The following SEMA4D variants were observed in gnomAD, a reference collection of about 807,000 sequenced individuals.
SEMA4D encodes the protein semaphorin-4D.
In SEMA4D, 22 loss-of-function variants were observed where a neutral mutation model predicts 74.8. The observed-to-expected ratio is 0.29, with a 90% CI of 0.21 to 0.42. SEMA4D has a LOEUF of 0.42. SEMA4D is among the 10% of genes least tolerant of loss of function. The pLI is 1.00. For missense variants in SEMA4D, 937 were observed against 1,118.4 expected (o/e 0.84, Z 2.31); for synonymous variants, 445 against 463.7 (o/e 0.96, Z 0.52).
At chr9:89,450,935 T>C (rs1213728973) in intron 2 of SEMA4D, among the ~76,000 whole-genome samples, 3 of 152,128 alleles carry the variant, frequency 2.0e-5, no homozygotes, top group East Asian at 3.9e-4. Flanking sequence ...CTGACTCTGG[T>C]CTTGGGAGGC....
chr9:89,393,692 G>A, intron 6 of SEMA4D, 37 bp from the exon 7 acceptor site: 1 of 1,475,604 alleles, frequency 6.8e-7, no homozygotes, highest in South Asian at 1.1e-5. Flanking sequence ...TCATCAGATG[G>A]CTGAATTTCT....
chr9:89,441,505 G>T lies in SEMA4D; in HGVS notation c.-244+14383C>A, dbSNP rs968342155. The stretch of plus-strand genomic sequence containing the variant: ...GCTCTGGCTGGAGATGTCGGTACCG[G>T]CCAGGCCCCCATTCCCACATCATGG... On this transcript the variant is annotated intron_variant, in intron 2 of 15. Coordinates refer to ENST00000422704, the MANE Select transcript of SEMA4D (RefSeq NM_001371194.2). Among the ~76,000 whole-genome samples, 28 of 152,246 alleles carry T rather than the reference G, an allele frequency of 1.8e-4. 1 individual carries two copies. Among genetic ancestry groups the T allele is most frequent in the Non-Finnish European group, 2.9e-5 (2 of 68,042 alleles).
At chr9:89,383,368 G>A (rs74487105) in intron 13 of SEMA4D, among the ~76,000 whole-genome samples, 5,091 of 152,270 alleles carry the variant, frequency 0.033, 135 homozygotes, top group South Asian at 0.097. Flanking sequence ...ACGCTGGTGC[G>A]AGTCATACAG....
chr9:89,474,444 C>T (rs1391111237), intron 1 of SEMA4D, among the ~76,000 whole-genome samples: 1 of 152,170 alleles, frequency 6.6e-6, no homozygotes, highest in African/African-American at 2.4e-5. Flanking sequence ...AGCTATGTTC[C>T]TTTGTATACA....
At chr9:89,380,460 T>C (rs1836778815) in intron 15 of SEMA4D, among the ~76,000 whole-genome samples, 1 of 152,190 alleles carries the variant, frequency 6.6e-6, no homozygotes, top group African/African-American at 2.4e-5. Context: ...GCCTCCCTAG[T>C]AGCTGGGACT....
intron 11 of SEMA4D, among the ~76,000 whole-genome samples, chr9:89,388,270 C>G (rs191183961): frequency 3.9e-5 from 6 of 152,320 alleles, no homozygotes; most frequent in Admixed American, 6.5e-5. Flanking sequence ...ACATAAAGTT[C>G]ACTATATTTA....
At chr9:89,444,149 A>AC (rs200168115) in intron 2 of SEMA4D, among the ~76,000 whole-genome samples, 2,913 of 152,164 alleles carry the variant, frequency 0.019, 36 homozygotes, top group Non-Finnish European at 0.03. Flanking sequence ...AATTATACCT[A>AC]CCTACCATAG....
intron 1 of SEMA4D, among the ~76,000 whole-genome samples, chr9:89,488,040 C>A (rs1825327016): frequency 6.6e-6 from 1 of 152,164 alleles, no homozygotes; most frequent in Non-Finnish European, 1.5e-5. Context: ...ACCGACACTA[C>A]AATTTTGAAA....
At chr9:89,464,184 T>C (rs192851794) in intron 1 of SEMA4D, among the ~76,000 whole-genome samples, 41 of 152,302 alleles carry the variant, frequency 2.7e-4, no homozygotes, top group Admixed American at 2.6e-3. Context: ...TTCTCTCAGA[T>C]GCACTACGCT....
intron 2 of SEMA4D, among the ~76,000 whole-genome samples, chr9:89,412,657 T>G (rs1481036872): frequency 6.6e-6 from 1 of 151,974 alleles, no homozygotes; most frequent in Non-Finnish European, 1.5e-5. Context: ...AGTGTATTGA[T>G]CTCATCAGCA....
In SEMA4D at chr9:89,381,035, G is replaced by A. The variant is rs373437067; in HGVS notation, c.1663+20C>T. 1.4e-5 allele frequency: 23 copies of A among 1,613,852 alleles called. No individual in the cohort carries two copies. The African/African-American group carries it at 2.0e-4, about 14-fold the overall frequency. On this transcript the variant is annotated intron_variant, in intron 15 of 15. Coordinates refer to ENST00000422704, the MANE Select transcript of SEMA4D (RefSeq NM_001371194.2). This position sits in a 1 kb window ranked among gnomAD's most constrained non-coding sequence, Gnocchi z 4.6. ...ACCTCGCCACTCCCAAAGGAAATGGGACGTCGAGGAGTCACTCACCCGGGC... is the reference window on the plus strand; with the variant it reads ...ACCTCGCCACTCCCAAAGGAAATGGAACGTCGAGGAGTCACTCACCCGGGC...
intron 2 of SEMA4D, among the ~76,000 whole-genome samples, chr9:89,427,414 G>A (rs1368928576): frequency 6.6e-6 from 1 of 152,110 alleles, no homozygotes; most frequent in Non-Finnish European, 1.5e-5. Context: ...CACAGCCCCT[G>A]CCTCCCTGAG....
chr9:89,409,927 G>A (rs1844149315), intron 2 of SEMA4D, among the ~76,000 whole-genome samples: 1 of 152,154 alleles, frequency 6.6e-6, no homozygotes, highest in Admixed American at 6.5e-5. Flanking sequence ...AACTCTCTCT[G>A]GAAACCCAAT....
At chr9:89,417,050 G>T (rs1845872867) in intron 2 of SEMA4D, among the ~76,000 whole-genome samples, 1 of 152,104 alleles carries the variant, frequency 6.6e-6, no homozygotes, top group Non-Finnish European at 1.5e-5. Flanking sequence ...TCTCACAATG[G>T]AATTCTCTTA....
intron 1 of SEMA4D, among the ~76,000 whole-genome samples, chr9:89,476,939 G>A (rs1482972688): frequency 1.3e-5 from 2 of 152,046 alleles, no homozygotes; most frequent in African/African-American, 4.8e-5. Context: ...TAGGAGAGCC[G>A]ACATATCTGA....
intron 16 of SEMA4D, among the ~76,000 whole-genome samples, chr9:89,370,097 GGT>G (rs1027082537): frequency 2.6e-5 from 4 of 151,148 alleles, no homozygotes; most frequent in Non-Finnish European, 5.9e-5. Flanking sequence ...GGTGGTTTTA[GGT>G]GTGTGTACAG....
At chr9:89,495,439 C>T (rs918774151) in intron 1 of SEMA4D, among the ~76,000 whole-genome samples, 19 of 152,074 alleles carry the variant, frequency 1.2e-4, no homozygotes, top group African/African-American at 3.9e-4. Flanking sequence ...GGACCCTGGA[C>T]GGCAATGGTG....
intron 5 of SEMA4D, among the ~76,000 whole-genome samples, chr9:89,398,544 G>A (rs1451459792): frequency 6.6e-6 from 1 of 152,212 alleles, no homozygotes; most frequent in African/African-American, 2.4e-5. Context: ...ACCCAAAAAA[G>A]GCTGTCATAC....
chr9:89,387,490 T>C lies in SEMA4D; in HGVS notation c.1226A>G (p.Asn409Ser), dbSNP rs1413112572. Residue 409 changes from asparagine (N) to serine (S), a missense_variant, in exon 12 of 16, where the codon AAC (asparagine) becomes AGC (serine). Coordinates refer to ENST00000422704, the MANE Select transcript of SEMA4D (RefSeq NM_001371194.2). The part of the protein sequence containing the change: ...LMDDSVTPID[N>S]RPRLIKKDVN... Reference sequence around the variant, plus strand: ...ATCTTTCTTGATTAACCTGGGCCTGTTGTCTATTGGGGTTACCGAGTCATC... The same window carrying C: ...ATCTTTCTTGATTAACCTGGGCCTGCTGTCTATTGGGGTTACCGAGTCATC... 1.2e-6 allele frequency: 2 copies of C among 1,614,094 alleles called. No individual in the cohort carries two copies. The highest frequency in any genetic ancestry group is 1.3e-5 in the African/African-American group (1 of 74,930).
Sources: gnomAD v4.1 joint callset for allele counts (sites outside exome capture counted in the v4.1 genomes callset) on GRCh38, gnomAD v4.1.1 for gene constraint, Gnocchi (gnomAD v3.1) non-coding constraint, MANE v1.5 for transcripts, NCBI Gene and HGNC (gene_info 2026-07-23, HGNC 2026-07-21) for gene names.